MED27: variants seen among roughly 807,000 people sequenced by gnomAD.
MED27 encodes mediator of RNA polymerase II transcription subunit 27.
In MED27, 30 loss-of-function variants were observed where a neutral mutation model predicts 38.2. The observed-to-expected ratio is 0.79, with a 90% confidence interval of 0.59 to 1.07. The LOEUF is 1.07. Among genes scored for constraint, MED27 ranks in the 50% least tolerant of loss-of-function variants. The pLI is 0.00. For synonymous variants in MED27, 122 were observed against 153.5 expected, an observed-to-expected ratio of 0.79 and a Z score of 1.52; for missense variants, 289 against 397.5, an observed-to-expected ratio of 0.73 and a Z score of 2.32.
intron 4 of MED27, among the ~76,000 whole-genome samples, chr9:131,895,030 G>A (rs563097721): frequency 3.7e-4 from 56 of 152,158 alleles, no homozygotes; most frequent in African/African-American, 1.3e-3. Flanking sequence ...TTTGTGATGC[G>A]GTGCAACACA....
chr9:131,901,261 G>C (rs1376793746), intron 4 of MED27, among the ~76,000 whole-genome samples: 1 of 152,208 alleles, frequency 6.6e-6, no homozygotes. Context: ...TGAGTGCAGT[G>C]AACAATGTCT....
chr9:131,981,772 AG>A (rs1589248154), intron 3 of MED27, among the ~76,000 whole-genome samples: 2 of 152,302 alleles, frequency 1.3e-5, no homozygotes, highest in East Asian at 3.9e-4. Flanking sequence ...AGCGGAGCTC[AG>A]GGAGAGGGGG....
At chr9:131,920,080 G>C (rs913268147) in intron 4 of MED27, among the ~76,000 whole-genome samples, 1 of 151,994 alleles carries the variant, frequency 6.6e-6, no homozygotes, top group Non-Finnish European at 1.5e-5. Flanking sequence ...TAAAGTGCTG[G>C]GATTATAGAC....
At chr9:131,981,465 TCA>T (rs1314405270) in intron 3 of MED27, among the ~76,000 whole-genome samples, 1 of 152,180 alleles carries the variant, frequency 6.6e-6, no homozygotes, top group Non-Finnish European at 1.5e-5. Context: ...AATTCCTCTC[TCA>T]GTTTATTTTA....
intron 3 of MED27, among the ~76,000 whole-genome samples, chr9:131,947,958 C>T (rs893502886): frequency 1.3e-5 from 2 of 152,110 alleles, no homozygotes; most frequent in African/African-American, 2.4e-5. Context: ...TACACCTGTC[C>T]GCAGTGATGA....
In MED27 at chr9:131,917,845, ACT is replaced by A. The variant is rs1830322309; in HGVS notation, c.573+21534_573+21535del. Among the ~76,000 whole-genome samples, 3 of 152,210 alleles carry A rather than the reference ACT, an allele frequency of 2.0e-5. No homozygotes were observed. Among genetic ancestry groups the A allele is most frequent in the Admixed American group, 2.0e-4 (3 of 15,274 alleles). On this transcript the variant is annotated intron_variant, in intron 4 of 7. Transcript: ENST00000292035. The surrounding 1 kb of genome is among the most constrained non-coding windows in gnomAD (Gnocchi z 4.6). ...GGCCTGAAAACATCCAGCATTTATC[ACT>A]GACTAAAACTGAATTAGACAGCCTT...
At chr9:131,970,934 G>A (rs932652526) in intron 3 of MED27, among the ~76,000 whole-genome samples, 2 of 152,184 alleles carry the variant, frequency 1.3e-5, no homozygotes, top group African/African-American at 2.4e-5. Flanking sequence ...GAGTATTGAT[G>A]ATATGAAGGA....
chr9:132,017,883 C>A (rs57673657), intron 2 of MED27, among the ~76,000 whole-genome samples: 4,398 of 152,198 alleles, frequency 0.029, 220 homozygotes, highest in African/African-American at 0.1. Flanking sequence ...TGAGGAAAGA[C>A]CAATTAAAAT....
chr9:131,939,368 A>C lies in MED27; in HGVS notation c.573+13T>G. On this transcript the variant is annotated intron_variant, in intron 4 of 7. Transcript: ENST00000292035. ...CCCCCAACATCCCTACAAATCAGTC[A>C]AGCTGATCTTACCAGAAGCATTGCT... 1 of 1,583,154 alleles carries C rather than the reference A, an allele frequency of 6.3e-7. No individual in the cohort carries two copies. Among genetic ancestry groups the C allele is most frequent in the Non-Finnish European group, 8.6e-7 (1 of 1,162,256 alleles).
At chr9:131,931,244 C>G (rs1479039452) in intron 4 of MED27, among the ~76,000 whole-genome samples, 33 of 150,842 alleles carry the variant, frequency 2.2e-4, no homozygotes, top group Admixed American at 2.2e-3. Context: ...GACCTTATCT[C>G]AAAAATAAAT....
intron 2 of MED27, among the ~76,000 whole-genome samples, chr9:132,054,277 C>T (rs559281553): frequency 6.6e-6 from 1 of 152,272 alleles, no homozygotes; most frequent in East Asian, 1.9e-4. Flanking sequence ...CCTCTCAGTG[C>T]TCCTGCTCTG....
At position 132,025,786 on chromosome 9, in the gene MED27, C is replaced by T. The variant is rs117461452; in HGVS notation, c.349-11319G>A. On this transcript the variant is annotated intron_variant, in intron 2 of 7. Transcript: ENST00000292035. ...GAGGGTTAAGAACATGAAAAGGGCT[C>T]AGCAAAGTGGCTGGCACAAAGCACA... Among the ~76,000 whole-genome samples, 300 of 152,236 alleles carry T rather than the reference C, an allele frequency of 2.0e-3. 1 individual carries two copies. The highest frequency in any genetic ancestry group is 4.3e-3 in the Admixed American group (66 of 15,298).
At chr9:132,027,474 G>C (rs1832849202) in intron 2 of MED27, among the ~76,000 whole-genome samples, 1 of 152,190 alleles carries the variant, frequency 6.6e-6, no homozygotes, top group Non-Finnish European at 1.5e-5. Context: ...GCTGCAGCCT[G>C]AGCAGGCACA....
At chr9:131,914,989 CA>C (rs1338416594) in intron 4 of MED27, among the ~76,000 whole-genome samples, 1 of 152,182 alleles carries the variant, frequency 6.6e-6, no homozygotes, top group Non-Finnish European at 1.5e-5. Context: ...ATGTGGAAGT[CA>C]AATGGCGACA....
rs903077116 is a variant in MED27 at position 132,072,662 on chromosome 9, T to C, written c.348+4780A>G. Among the ~76,000 whole-genome samples the C allele has an allele frequency of 2.6e-5, 4 of 152,036 alleles. No homozygotes were observed. The South Asian group carries it at 6.2e-4, about 24-fold the overall frequency. On this transcript the variant is annotated intron_variant, in intron 2 of 7. Transcript: ENST00000292035. ...ACGCTAGCAAGTTCATTTTGAGTGA[T>C]GGGGTGCTACGAAGGTTAGATTTAG...
chr9:132,076,349 T>C (rs565660378), intron 2 of MED27, among the ~76,000 whole-genome samples: 21 of 152,124 alleles, frequency 1.4e-4, no homozygotes, highest in African/African-American at 2.2e-4. Flanking sequence ...ACAGGCTAAA[T>C]GTATGCATTC....
In MED27 at chr9:131,881,800, C is replaced by CTTTTTTTTTTTTTTTTTTTTTTT. The variant is rs61624043; in HGVS notation, c.723+2235_723+2257dup. On this transcript the variant is annotated intron_variant, in intron 6 of 7. Coordinates refer to ENST00000292035, the MANE Select transcript of MED27 (RefSeq NM_004269.4). ...CCTCCCTCCCTTCCTTCTTCTTCTT[C>CTTTTTTTTTTTTTTTTTTTTTTT]TTTTTTTTTTTTTTTTTTTTTTTTG... Among the ~76,000 whole-genome samples, 17 of 60,964 alleles carry CTTTTTTTTTTTTTTTTTTTTTTT rather than the reference C, an allele frequency of 2.8e-4. 1 individual carries two copies. Among genetic ancestry groups the CTTTTTTTTTTTTTTTTTTTTTTT allele is most frequent in the Admixed American group, 5.0e-4 (2 of 3,984 alleles). The allele number at this position is 60,964 out of a possible 152,430, so 40.0% of individuals were successfully genotyped here.
chr9:131,975,156 T>G lies in MED27; in HGVS notation c.480-35682A>C, dbSNP rs12001506. Among the ~76,000 whole-genome samples the G allele has an allele frequency of 2.0e-3, 300 of 152,372 alleles. 1 individual carries two copies. The highest frequency in any genetic ancestry group is 6.8e-3 in the African/African-American group (282 of 41,594). ...CTCTTTTTCCTTTAAATATGTGATT[T>G]GGAGAATACTCAAATTACATCTTAG... On this transcript the variant is annotated intron_variant, in intron 3 of 7. Transcript: ENST00000292035.
chr9:131,974,367 G>C (rs1831557979), intron 3 of MED27, among the ~76,000 whole-genome samples: 1 of 152,212 alleles, frequency 6.6e-6, no homozygotes, highest in East Asian at 1.9e-4. Context: ...GATCAAGTAG[G>C]AATCCCTGAG....
Sources: gnomAD v4.1 joint callset for allele counts (sites outside exome capture counted in the v4.1 genomes callset) on GRCh38, gnomAD v4.1.1 for gene constraint, Gnocchi (gnomAD v3.1) non-coding constraint, MANE v1.5 for transcripts, NCBI Gene and HGNC (gene_info 2026-07-23, HGNC 2026-07-21) for gene names.